TASP1: variants seen among roughly 807,000 people sequenced by gnomAD.
The protein encoded by TASP1 is threonine aspartase 1.
TASP1 carries 16 observed loss-of-function variants against 56.6 expected under a neutral mutation model. The observed-to-expected ratio is 0.28, with a 90% confidence interval of 0.19 to 0.43. The LOEUF is 0.43. TASP1 is among the 20% of genes least tolerant of loss of function. The pLI is 1.00. For synonymous variants in TASP1, 179 were observed against 184.2 expected, an observed-to-expected ratio of 0.97 and a Z score of 0.23; for missense variants, 393 against 511.6, an observed-to-expected ratio of 0.77 and a Z score of 2.24.
chr20:13,341,430 T>C, the TASP1 span, among the ~76,000 whole-genome samples: 26,117 of 152,154 alleles, frequency 0.17, 3,079 homozygotes, highest in African/African-American at 0.32. Flanking sequence ...GGCATGACCG[T>C]TGGCAAGTTA....
At chr20:13,565,003 T>C (rs1038171528) in intron 7 of TASP1, among the ~76,000 whole-genome samples, 6 of 124,224 alleles carry the variant, frequency 4.8e-5, no homozygotes, top group African/African-American at 2.0e-4. Context: ...TAAGACTCCA[T>C]CTCAAAAAAA....
chr20:13,151,151 C>G, the TASP1 span, among the ~76,000 whole-genome samples: 1 of 152,174 alleles, frequency 6.6e-6, no homozygotes, highest in Non-Finnish European at 1.5e-5. Flanking sequence ...TTCTACCAAC[C>G]AATGGCTTAC....
intron 11 of TASP1, among the ~76,000 whole-genome samples, chr20:13,467,694 C>T (rs6033718): frequency 0.059 from 8,983 of 152,032 alleles, 377 homozygotes; most frequent in African/African-American, 0.12. Flanking sequence ...AGGATTATAC[C>T]TGACCTTTTA....
At chr20:13,303,017 C>T in the TASP1 span, among the ~76,000 whole-genome samples, 1 of 152,246 alleles carries the variant, frequency 6.6e-6, no homozygotes, top group Non-Finnish European at 1.5e-5. Flanking sequence ...CCACCATCTT[C>T]TGAGCCCACA....
intron 10 of TASP1, among the ~76,000 whole-genome samples, chr20:13,506,973 A>T (rs955236227): frequency 6.6e-6 from 1 of 152,126 alleles, no homozygotes. Flanking sequence ...GAAAGGGAGA[A>T]GTAAAACTGT....
chr20:13,113,991 C>T, the TASP1 span, among the ~76,000 whole-genome samples: 1 of 152,108 alleles, frequency 6.6e-6, no homozygotes, highest in Non-Finnish European at 1.5e-5. Flanking sequence ...ATTGAGGCTC[C>T]GAGGCTTAGA....
the TASP1 span, among the ~76,000 whole-genome samples, chr20:13,172,258 A>G: frequency 6.6e-6 from 1 of 152,124 alleles, no homozygotes; most frequent in Non-Finnish European, 1.5e-5. Context: ...TTACTATCCC[A>G]AGGATAAAGG....
the TASP1 span, among the ~76,000 whole-genome samples, chr20:13,160,636 T>C: frequency 6.6e-6 from 1 of 152,250 alleles, no homozygotes; most frequent in African/African-American, 2.4e-5. Flanking sequence ...GTTATGTGAA[T>C]GAGTAATATC....
intron 5 of TASP1, among the ~76,000 whole-genome samples, chr20:13,585,960 C>G (rs1395666715): frequency 6.6e-6 from 1 of 151,934 alleles, no homozygotes; most frequent in East Asian, 1.9e-4. Flanking sequence ...CATGGTGAAA[C>G]CCTGTTTCTA....
chr20:13,473,229 T>C (rs2044586583), intron 11 of TASP1, among the ~76,000 whole-genome samples: 1 of 151,866 alleles, frequency 6.6e-6, no homozygotes, highest in Admixed American at 6.6e-5. Context: ...CAGCAAACTA[T>C]TGCAAGGACA....
chr20:13,496,832 G>A (rs575744940), intron 10 of TASP1, among the ~76,000 whole-genome samples: 2 of 152,266 alleles, frequency 1.3e-5, no homozygotes, highest in East Asian at 3.9e-4. Context: ...ATAAGCTACA[G>A]TCATGGGTTT....
chr20:13,634,905 G>A (rs2049241061), intron 1 of TASP1, among the ~76,000 whole-genome samples: 1 of 152,004 alleles, frequency 6.6e-6, no homozygotes, highest in African/African-American at 2.4e-5. Context: ...GCGCATGCCT[G>A]TAATCCCAGC....
At chr20:13,401,099 C>A (rs2041722539) in intron 13 of TASP1, among the ~76,000 whole-genome samples, 1 of 152,148 alleles carries the variant, frequency 6.6e-6, no homozygotes, top group Non-Finnish European at 1.5e-5. Flanking sequence ...CTGGCTCTAA[C>A]CAATCACTGC....
the TASP1 span, among the ~76,000 whole-genome samples, chr20:13,206,356 G>T: frequency 6.6e-6 from 1 of 152,094 alleles, no homozygotes; most frequent in South Asian, 2.1e-4. Flanking sequence ...TGGTACAAAA[G>T]GTAAGTTCAG....
intron 13 of TASP1, chr20:13,393,456 G>A (rs1197189184): frequency 3.8e-6 from 3 of 788,902 alleles, no homozygotes; most frequent in Non-Finnish European, 6.7e-6. Context: ...CAAGAAGGTG[G>A]TGAAGCAGGT....
the TASP1 span, among the ~76,000 whole-genome samples, chr20:13,309,808 T>C: frequency 6.6e-6 from 1 of 151,194 alleles, no homozygotes; most frequent in Non-Finnish European, 1.5e-5. Flanking sequence ...AAAAAAACTA[T>C]CCAAAAAAGA....
chr20:13,317,546 A>G, the TASP1 span, among the ~76,000 whole-genome samples: 10 of 152,122 alleles, frequency 6.6e-5, no homozygotes, highest in Non-Finnish European at 1.0e-4. Flanking sequence ...AAGACATAAT[A>G]TAAAGCTACA....
the TASP1 span, among the ~76,000 whole-genome samples, chr20:13,202,055 T>C: frequency 3.9e-5 from 6 of 152,116 alleles, no homozygotes; most frequent in Admixed American, 3.9e-4. Flanking sequence ...GCCTGGCAGA[T>C]GGTAAACTTT....
At chr20:13,255,912 T>C in the TASP1 span, among the ~76,000 whole-genome samples, 2 of 136,988 alleles carry the variant, frequency 1.5e-5, no homozygotes, top group African/African-American at 5.7e-5. Context: ...GGATATTTAG[T>C]AAAGTTCCTG....
Sources: gnomAD v4.1 joint callset for allele counts (sites outside exome capture counted in the v4.1 genomes callset) on GRCh38, gnomAD v4.1.1 for gene constraint, MANE v1.5 for transcripts, NCBI Gene and HGNC (gene_info 2026-07-23, HGNC 2026-07-21) for gene names.